ADAM17: variants seen among roughly 807,000 people sequenced by gnomAD.
ADAM17 encodes disintegrin and metalloproteinase domain-containing protein 17.
Under a neutral mutation model 96.7 loss-of-function variants are expected in ADAM17, and 39 were observed. That is an observed-to-expected ratio of 0.40 (90% CI 0.31 to 0.53). The LOEUF is 0.53. ADAM17 is among the 20% of genes least tolerant of loss of function. The pLI is 0.44. For synonymous variants in ADAM17, 344 were observed against 359.2 expected (o/e 0.96, Z 0.48); for missense variants, 777 against 1,013.2 (o/e 0.77, Z 3.17).
At chr2:9,492,108 G>C (rs541296902) in intron 17 of ADAM17, among the ~76,000 whole-genome samples, 2 of 152,216 alleles carry the variant, frequency 1.3e-5, no homozygotes, top group Non-Finnish European at 2.9e-5. Flanking sequence ...AGGAAAGGAA[G>C]GAGGCAGTAG....
At position 9,505,616 on chromosome 2, in the gene ADAM17, C is replaced by CA. The variant is rs1663342087; in HGVS notation, c.1345-252dup. 6.3e-6 allele frequency: 3 copies of CA among 478,774 alleles called. No individual in the cohort carries two copies. The South Asian group carries it at 6.4e-5, about 10-fold the overall frequency. 29.7% of individuals were successfully genotyped at this position (478,774 alleles called of 1,614,324 possible). A position where few individuals can be genotyped will look rare whatever the true frequency, so the allele number is the denominator to read the frequency against. ...CTATAATTCTTCTTACGAAGGTAAG[C>CA]AAGCTATACAAATACTGAGACCAAA... On this transcript the variant is annotated intron_variant, in intron 11 of 18. Coordinates refer to ENST00000310823, the MANE Select transcript of ADAM17 (RefSeq NM_003183.6).
chr2:9,514,181 A>ATT, intron 10 of ADAM17, among the ~76,000 whole-genome samples: 1 of 152,042 alleles, frequency 6.6e-6, no homozygotes, highest in Middle Eastern at 3.4e-3. Context: ...TGCAGCCATA[A>ATT]AAAAGGATGA....
At chr2:9,512,960 G>A (rs1281429453) in intron 10 of ADAM17, among the ~76,000 whole-genome samples, 3 of 152,034 alleles carry the variant, frequency 2.0e-5, no homozygotes, top group East Asian at 1.9e-4. Context: ...TCCAGACCTC[G>A]CCCTATGTAT....
chr2:9,543,235 T>C lies in ADAM17; in HGVS notation c.148A>G (p.Ile50Val), dbSNP rs61754178. 7,326 of 1,610,016 alleles carry C rather than the reference T, an allele frequency of 4.6e-3. 25 individuals carry two copies. The highest frequency in any genetic ancestry group is 5.5e-3 in the Admixed American group (328 of 59,434). ...SDYDILSLSNIQQHSVRKRDL... is the reference protein window; with the variant it reads ...SDYDILSLSNVQQHSVRKRDL... ...CTTTTTCTTACCGAATGCTGCTGGA[T>C]ATTAGATAAAGAGAGAATATCGTAG... Residue 50 changes from isoleucine to valine, a missense_variant, in exon 2 of 19, where the codon ATC becomes GTC. Physicochemically the swap from Ile to Val is conservative, Grantham distance 29 (BLOSUM62 3). Coordinates refer to ENST00000310823, the MANE Select transcript of ADAM17 (RefSeq NM_003183.6).
intron 1 of ADAM17, among the ~76,000 whole-genome samples, chr2:9,546,238 T>C (rs761791954): frequency 3.9e-5 from 6 of 152,166 alleles, no homozygotes; most frequent in Non-Finnish European, 8.8e-5. Flanking sequence ...AGTAACATCA[T>C]TGGTTATTTT....
In ADAM17 at chr2:9,555,745, G is replaced by A. The variant is rs1017643231; in HGVS notation, c.-140C>T. On this transcript the variant is annotated 5_prime_UTR_variant, in exon 1 of 19. Coordinates refer to ENST00000310823, the MANE Select transcript of ADAM17 (RefSeq NM_003183.6). ...TCTTTTCCCTCCCGCGCCGCCTACT[G>A]GGAAGATTCTACCGCCAGGCTCGAC... The A allele has an allele frequency of 3.0e-6, 2 of 660,408 alleles. No homozygotes were observed. The highest frequency in any genetic ancestry group is 3.8e-5 in the African/African-American group (2 of 53,310). 40.9% of individuals were successfully genotyped at this position (660,408 alleles called of 1,614,324 possible).
chr2:9,517,804 A>G, intron 10 of ADAM17, 97 bp downstream of exon 10: 1 of 719,780 alleles, frequency 1.4e-6, no homozygotes, highest in Non-Finnish European at 2.1e-6. Flanking sequence ...AAAACAGTAT[A>G]TATTACATTT....
chr2:9,544,369 CT>C (rs2125041565), intron 1 of ADAM17, among the ~76,000 whole-genome samples: 1 of 152,110 alleles, frequency 6.6e-6, no homozygotes, highest in South Asian at 2.1e-4. Flanking sequence ...CCTGTCTCTA[CT>C]AAAAATACAA....
At chr2:9,545,636 A>G (rs1326119695) in intron 1 of ADAM17, among the ~76,000 whole-genome samples, 1 of 152,158 alleles carries the variant, frequency 6.6e-6, no homozygotes, top group African/African-American at 2.4e-5. Context: ...TAAAGAAAAA[A>G]ACTTTAGCCA....
At chr2:9,533,180 T>C (rs1558520044) in intron 4 of ADAM17, among the ~76,000 whole-genome samples, 1 of 151,010 alleles carries the variant, frequency 6.6e-6, no homozygotes. Flanking sequence ...CAGGGCGAGA[T>C]GCCATCTTAA....
At chr2:9,490,973 A>G (rs1272443336) in intron 18 of ADAM17, 128 bp downstream of exon 18, 8 of 796,930 alleles carry the variant, frequency 1.0e-5, no homozygotes, top group Non-Finnish European at 1.6e-5. Flanking sequence ...ATTCCAACCT[A>G]GACCCTTCCT....
intron 10 of ADAM17, among the ~76,000 whole-genome samples, chr2:9,515,968 ATGT>A (rs1260106125): frequency 6.6e-6 from 1 of 152,080 alleles, no homozygotes; most frequent in Non-Finnish European, 1.5e-5. Flanking sequence ...GATCTCACTA[ATGT>A]TGCCCAGGAT....
intron 12 of ADAM17, among the ~76,000 whole-genome samples, chr2:9,504,818 A>T (rs1030105789): frequency 6.6e-6 from 1 of 151,848 alleles, no homozygotes; most frequent in African/African-American, 2.4e-5. Context: ...ACCAAGGAGC[A>T]TGCAAGGTCA....
At chr2:9,501,837 G>C (rs566194469) in intron 13 of ADAM17, among the ~76,000 whole-genome samples, 16 of 151,988 alleles carry the variant, frequency 1.1e-4, no homozygotes, top group African/African-American at 3.9e-4. Flanking sequence ...GTAAATTTAA[G>C]GTAGAATATC....
rs1663493635 is a variant in ADAM17 at position 9,507,722 on chromosome 2, T to C, written c.1344+2257A>G. ...ATTCTCATTAGCAAGTTCTTTTTTTTCTTTTTCCTTTTTTTGAGATAAAGT... is the reference window on the plus strand; with the variant it reads ...ATTCTCATTAGCAAGTTCTTTTTTTCCTTTTTCCTTTTTTTGAGATAAAGT... On this transcript the variant is annotated intron_variant, in intron 11 of 18. Transcript: ENST00000310823. 3.4e-5 allele frequency among the ~76,000 whole-genome samples: 5 copies of C among 147,564 alleles called. No individual in the cohort carries two copies. The South Asian group carries it at 1.1e-3, about 31-fold the overall frequency.
chr2:9,513,276 G>A lies in ADAM17; in HGVS notation c.1192-3145C>T, dbSNP rs200665255. Among the ~76,000 whole-genome samples, 3 of 152,304 alleles carry A rather than the reference G, an allele frequency of 2.0e-5. No individual in the cohort carries two copies. In the East Asian group the frequency reaches 5.8e-4, roughly 29 times the overall value. ...CCCAAAGTGCTGGGATTACAGGCGT[G>A]AGCCACCGCACCCAGCTTCTTTGTA... On this transcript the variant is annotated intron_variant, in intron 10 of 18. Transcript: ENST00000310823.
At chr2:9,494,537 C>CA (rs1405955794) in intron 15 of ADAM17, 100 bp downstream of exon 15, 6 of 1,380,010 alleles carry the variant, frequency 4.3e-6, no homozygotes, top group Non-Finnish European at 6.0e-6. Flanking sequence ...GATGTAGCCC[C>CA]ACTTGTGTTT....
At position 9,555,695 on chromosome 2, in the gene ADAM17, T is replaced by C. The variant is rs1665729676; in HGVS notation, c.-90A>G. The C allele has an allele frequency of 5.3e-6, 6 of 1,140,728 alleles. No homozygotes were observed. Among genetic ancestry groups the C allele is most frequent in the Non-Finnish European group, 7.3e-6 (6 of 822,510 alleles). The allele number at this position is 1,140,728 out of a possible 1,614,324, so 70.7% of individuals were successfully genotyped here. A position where few individuals can be genotyped will look rare whatever the true frequency, so the allele number is the denominator to read the frequency against. ...CTGCTCACATCGGGGGAGGACGGGATCCGCCCGGCCTAGCCCCTCAATCCT... is the reference window on the plus strand; with the variant it reads ...CTGCTCACATCGGGGGAGGACGGGACCCGCCCGGCCTAGCCCCTCAATCCT... On this transcript the variant is annotated 5_prime_UTR_variant, in exon 1 of 19. Coordinates refer to ENST00000310823, the MANE Select transcript of ADAM17 (RefSeq NM_003183.6).
intron 10 of ADAM17, among the ~76,000 whole-genome samples, chr2:9,513,973 T>G (rs1306004313): frequency 1.4e-5 from 2 of 146,306 alleles, no homozygotes; most frequent in Non-Finnish European, 3.0e-5. Context: ...ATCACACCAT[T>G]GCACTCCAGC....
Sources: gnomAD v4.1 joint callset for allele counts (sites outside exome capture counted in the v4.1 genomes callset) on GRCh38, gnomAD v4.1.1 for gene constraint, MANE v1.5 for transcripts, NCBI Gene and HGNC (gene_info 2026-07-23, HGNC 2026-07-21) for gene names.